The following LSM12 variants were observed in gnomAD, a reference collection of about 807,000 sequenced individuals.
LSM12 encodes protein LSM12.
For missense variants in LSM12, 108 were observed against 238.9 expected, an observed-to-expected ratio of 0.45 and a Z score of 3.61; for synonymous variants, 74 against 87.3, an observed-to-expected ratio of 0.85 and a Z score of 0.85.
intron 2 of LSM12, among the ~76,000 whole-genome samples, chr17:44,041,321 ACACACACACACAAAC>A (rs1330587590): frequency 6.8e-5 from 10 of 147,096 alleles, no homozygotes; most frequent in African/African-American, 2.6e-4. Context: ...ACACACACAC[ACACACACACACAAAC>A]ACACACACAC....
intron 2 of LSM12, among the ~76,000 whole-genome samples, chr17:44,050,070 G>C (rs908669162): frequency 3.3e-5 from 5 of 152,104 alleles, no homozygotes; most frequent in Non-Finnish European, 5.9e-5. Flanking sequence ...TTTTGAATCT[G>C]GGGTAGGCTC....
At chr17:44,057,299 G>A (rs953820472) in intron 2 of LSM12, among the ~76,000 whole-genome samples, 1 of 150,134 alleles carries the variant, frequency 6.7e-6, no homozygotes, top group African/African-American at 2.4e-5. Context: ...ACAGGCACAT[G>A]CCACCACGCC....
intron 1 of LSM12, among the ~76,000 whole-genome samples, chr17:44,065,854 TCAGCA>T (rs1049372693): frequency 2.6e-5 from 4 of 151,736 alleles, no homozygotes; most frequent in African/African-American, 9.7e-5. Flanking sequence ...AGCCTAAAAA[TCAGCA>T]CAGCCCCCCC....
At chr17:44,059,044 T>C (rs995637977) in intron 2 of LSM12, among the ~76,000 whole-genome samples, 2 of 152,108 alleles carry the variant, frequency 1.3e-5, no homozygotes, top group African/African-American at 2.4e-5. Context: ...TGGGAGATTG[T>C]AGTCCCAGCT....
chr17:44,037,690 G>A, intron 3 of LSM12, 152 bp from the exon 4 acceptor site: 1 of 863,496 alleles, frequency 1.2e-6, no homozygotes, highest in Non-Finnish European at 1.6e-6. Context: ...TAGTAGCCAA[G>A]AAACATTCCT....
chr17:44,047,756 A>G (rs1363658926), intron 2 of LSM12, among the ~76,000 whole-genome samples: 1 of 136,640 alleles, frequency 7.3e-6, no homozygotes, highest in Admixed American at 7.3e-5. Context: ...TTTTTTTTTT[A>G]ATTTTATGTA....
chr17:44,066,516 C>T lies in LSM12; in HGVS notation c.72G>A (p.Arg24=). The T allele has an allele frequency of 6.5e-7, 1 of 1,529,364 alleles. No homozygotes were observed. The highest frequency in any genetic ancestry group is 8.8e-7 in the Non-Finnish European group (1 of 1,139,412). 94.7% of individuals were successfully genotyped at this position (1,529,364 alleles called of 1,614,324 possible). Residue 24 remains arginine, a synonymous_variant, in exon 1 of 5, where the codon CGG becomes CGA. Coordinates refer to ENST00000293406, the MANE Select transcript of LSM12 (RefSeq NM_001371445.1). The part of the protein sequence containing the change: ...QVSCRTCQEQ[R]LQGEVVAFDY... ...CAAAGGCTACCACCTCGCCCTGCAG[C>T]CGCTGCTCCTGGCACGTCCGGCACG...
intron 2 of LSM12, among the ~76,000 whole-genome samples, chr17:44,048,997 T>G (rs779549297): frequency 6.6e-6 from 1 of 152,202 alleles, no homozygotes; most frequent in Non-Finnish European, 1.5e-5. Flanking sequence ...CAGACTAGCC[T>G]GGCCAACATT....
chr17:44,066,203 C>T (rs1408250189), intron 1 of LSM12, among the ~76,000 whole-genome samples: 2 of 151,972 alleles, frequency 1.3e-5, no homozygotes, highest in Non-Finnish European at 2.9e-5. Flanking sequence ...AAGCCATCCC[C>T]GTGTCAAGCC....
intron 2 of LSM12, among the ~76,000 whole-genome samples, chr17:44,044,736 G>A (rs1479892732): frequency 1.3e-5 from 2 of 152,180 alleles, no homozygotes; most frequent in African/African-American, 2.4e-5. Context: ...TGGGGAGAAG[G>A]AGATTACCTT....
At chr17:44,051,079 T>C (rs1230372567) in intron 2 of LSM12, among the ~76,000 whole-genome samples, 1 of 151,916 alleles carries the variant, frequency 6.6e-6, no homozygotes, top group African/African-American at 2.4e-5. Flanking sequence ...TGAGACCATC[T>C]TGGCCAACAT....
At chr17:44,063,531 T>C (rs2049827526) in intron 2 of LSM12, among the ~76,000 whole-genome samples, 1 of 152,184 alleles carries the variant, frequency 6.6e-6, no homozygotes, top group Non-Finnish European at 1.5e-5. Flanking sequence ...TATTAGTTCA[T>C]CATGAACTCC....
At chr17:44,045,107 A>G (rs567736574) in intron 2 of LSM12, among the ~76,000 whole-genome samples, 1 of 152,138 alleles carries the variant, frequency 6.6e-6, no homozygotes, top group Non-Finnish European at 1.5e-5. Flanking sequence ...AGCTCACTGC[A>G]ACCTCCGCCT....
At chr17:44,038,335 A>G (rs932714252) in intron 3 of LSM12, among the ~76,000 whole-genome samples, 1 of 150,630 alleles carries the variant, frequency 6.6e-6, no homozygotes, top group African/African-American at 2.5e-5. Context: ...AACCTAGGCA[A>G]TAAAAGTGAG....
chr17:44,050,228 T>C (rs944206471), intron 2 of LSM12, among the ~76,000 whole-genome samples: 1 of 150,430 alleles, frequency 6.6e-6, no homozygotes, highest in African/African-American at 2.4e-5. Context: ...GCCTCCCAAG[T>C]AGCTGGGGTT....
At chr17:44,038,040 T>C (rs531520656) in intron 3 of LSM12, among the ~76,000 whole-genome samples, 14 of 152,118 alleles carry the variant, frequency 9.2e-5, no homozygotes, top group African/African-American at 3.1e-4. Flanking sequence ...TAGGGAGAAA[T>C]ACCACCTTTA....
intron 2 of LSM12, among the ~76,000 whole-genome samples, chr17:44,046,302 T>A (rs2049563445): frequency 6.6e-6 from 1 of 152,176 alleles, no homozygotes; most frequent in African/African-American, 2.4e-5. Context: ...TGTGTGGACA[T>A]GTTTTTACTT....
intron 2 of LSM12, among the ~76,000 whole-genome samples, chr17:44,056,101 CT>C (rs1385837100): frequency 1.3e-5 from 2 of 151,098 alleles, no homozygotes; most frequent in African/African-American, 2.4e-5. Flanking sequence ...AACCCCATCT[CT>C]GCTAAAAATA....
chr17:44,052,420 G>C (rs986109788), intron 2 of LSM12, among the ~76,000 whole-genome samples: 2 of 152,074 alleles, frequency 1.3e-5, no homozygotes, highest in African/African-American at 4.8e-5. Context: ...GGATGTCAAG[G>C]CTGCTGCAAG....
Sources: gnomAD v4.1 joint callset for allele counts (sites outside exome capture counted in the v4.1 genomes callset) on GRCh38, gnomAD v4.1.1 for gene constraint, MANE v1.5 for transcripts, NCBI Gene and HGNC (gene_info 2026-07-23, HGNC 2026-07-21) for gene names.